The following PHLPP1 variants were observed in gnomAD, a reference collection of about 807,000 sequenced individuals.
PHLPP1 encodes the protein PH domain and leucine rich repeat protein phosphatase 1.
PHLPP1 carries 42 observed loss-of-function variants against 117.2 expected under a neutral mutation model. The observed-to-expected ratio is 0.36, with a 90% confidence interval of 0.28 to 0.46. The LOEUF (loss-of-function observed/expected upper bound fraction) is 0.46. PHLPP1 is among the 20% of genes least tolerant of loss of function. The pLI is 1.00. For missense variants in PHLPP1, 2,084 were observed against 2,241.9 expected, an observed-to-expected ratio of 0.93 and a Z score of 1.42; for synonymous variants, 1,042 against 970.7, an observed-to-expected ratio of 1.07 and a Z score of -1.37.
intron 16 of PHLPP1, among the ~76,000 whole-genome samples, chr18:62,977,335 G>T (rs1489161637): frequency 1.4e-5 from 2 of 147,864 alleles, no homozygotes; most frequent in Non-Finnish European, 3.0e-5. Context: ...GCCTTTCCTG[G>T]AAAGAAGTGT....
Position 62,978,961 on chromosome 18 carries a change from C to G in PHLPP1, c.4684C>G (p.Arg1562Gly), listed in dbSNP as rs771728051. Residue 1562 changes from arginine (R) to glycine (G), a missense_variant, in exon 17 of 17, where the codon CGG becomes GGG. Physicochemically the swap from Arg to Gly is moderately radical, Grantham distance 125 (BLOSUM62 -2). Around this residue, in one of 2 missense-constraint regions of PHLPP1, gnomAD observed 1,365 missense variants for 1,605.9 expected, o/e 0.85. Transcript: ENST00000262719. This position sits in a 1 kb window ranked among gnomAD's most constrained non-coding sequence, Gnocchi z 7.0. ...CGAGGGCGTCTTCACCAACGGCAGC[C>G]GGGTGGAGGTGGAGGTGGACATCCA... Reference protein sequence around the residue: ...PIEGVFTNGSRVEVEVDIHCS... With the variant: ...PIEGVFTNGSGVEVEVDIHCS... 6.2e-7 allele frequency: 1 copy of G among 1,610,606 alleles called. No homozygotes were observed. Among genetic ancestry groups the G allele is most frequent in the Non-Finnish European group, 8.5e-7 (1 of 1,178,548 alleles).
chr18:62,791,285 G>A (rs1443393999), intron 1 of PHLPP1, among the ~76,000 whole-genome samples: 1 of 152,086 alleles, frequency 6.6e-6, no homozygotes, highest in African/African-American at 2.4e-5. Context: ...CTGCTTGGAG[G>A]GTGGGAGCAG....
intron 4 of PHLPP1, among the ~76,000 whole-genome samples, chr18:62,885,821 A>C (rs1916274023): frequency 6.6e-6 from 1 of 152,238 alleles, no homozygotes; most frequent in Non-Finnish European, 1.5e-5. Context: ...ATTACACCTC[A>C]AAATTTAGTA....
At chr18:62,899,223 C>A (rs1377685777) in intron 6 of PHLPP1, among the ~76,000 whole-genome samples, 1 of 152,162 alleles carries the variant, frequency 6.6e-6, no homozygotes, top group African/African-American at 2.4e-5. Context: ...TCTCCTTCAC[C>A]ATAGATAATT....
rs990660942 is a variant in PHLPP1 at position 62,736,443 on chromosome 18, G to T, written c.1576+19184G>T. On this transcript the variant is annotated intron_variant, in intron 1 of 16. Transcript: ENST00000262719. ...GAGATTGATGTGGATATTATCCTGG[G>T]ACTCAGTAGCTAACTGGCTCTTTTG... Among the ~76,000 whole-genome samples, 3 of 152,162 alleles carry T rather than the reference G, an allele frequency of 2.0e-5. No homozygotes were observed. The South Asian group carries it at 6.2e-4, about 32-fold the overall frequency.
chr18:62,930,503 A>G (rs75006033), intron 10 of PHLPP1, among the ~76,000 whole-genome samples: 2 of 152,224 alleles, frequency 1.3e-5, no homozygotes, highest in African/African-American at 4.8e-5. Context: ...GTTCGATTCA[A>G]CCAGAAGATT....
At chr18:62,848,786 A>C (rs1043908886) in intron 3 of PHLPP1, among the ~76,000 whole-genome samples, 1 of 152,186 alleles carries the variant, frequency 6.6e-6, no homozygotes, top group Non-Finnish European at 1.5e-5. Context: ...TTAATATCAG[A>C]AGATAATATG....
chr18:62,861,292 T>G (rs1393845264), intron 4 of PHLPP1, among the ~76,000 whole-genome samples: 1 of 152,090 alleles, frequency 6.6e-6, no homozygotes, highest in Non-Finnish European at 1.5e-5. Context: ...TTAGTAGAGA[T>G]GGGGTTTTAC....
In PHLPP1 at chr18:62,716,264, G is replaced by C; in HGVS notation, c.581G>C (p.Trp194Ser). The C allele has an allele frequency of 6.5e-7, 1 of 1,530,996 alleles. No homozygotes were observed. The highest frequency in any genetic ancestry group is 8.7e-7 in the Non-Finnish European group (1 of 1,145,130). The allele number at this position is 1,530,996 out of a possible 1,614,324, so 94.8% of individuals were successfully genotyped here. Residue 194 changes from tryptophan (W) to serine (S), a missense_variant, in exon 1 of 17, where the codon TGG becomes TCG. Coordinates refer to ENST00000262719, the MANE Select transcript of PHLPP1 (RefSeq NM_194449.4). The surrounding 1 kb of genome is among the most constrained non-coding windows in gnomAD (Gnocchi z 5.7). ...CAGCTGCAGCCGTCGGACCGGGACT[G>C]GGTGAGGCACCAGCTCCAGCGCGGC... Reference protein sequence around the residue: ...TLQLQPSDRDWVRHQLQRGCV... With the variant: ...TLQLQPSDRDSVRHQLQRGCV...
chr18:62,810,131 A>G (rs1410404750), intron 1 of PHLPP1, among the ~76,000 whole-genome samples: 1 of 152,240 alleles, frequency 6.6e-6, no homozygotes. Flanking sequence ...TACACTGATG[A>G]TTGGACCTTA....
intron 10 of PHLPP1, among the ~76,000 whole-genome samples, chr18:62,920,369 G>C (rs1285742560): frequency 6.6e-6 from 1 of 152,134 alleles, no homozygotes; most frequent in Non-Finnish European, 1.5e-5. Context: ...TGTGTCATGG[G>C]GATGTAGGTG....
intron 1 of PHLPP1, among the ~76,000 whole-genome samples, chr18:62,823,757 C>A (rs763790868): frequency 1.3e-5 from 2 of 151,884 alleles, no homozygotes; most frequent in African/African-American, 2.4e-5. Flanking sequence ...CACAAACTTG[C>A]GAGAAGATGA....
intron 1 of PHLPP1, among the ~76,000 whole-genome samples, chr18:62,762,925 G>T (rs184631543): frequency 6.6e-6 from 1 of 152,068 alleles, no homozygotes; most frequent in Admixed American, 6.5e-5. Context: ...TTGCAATAGA[G>T]GTGTTTATGG....
At chr18:62,803,402 C>T (rs920005434) in intron 1 of PHLPP1, among the ~76,000 whole-genome samples, 1 of 152,100 alleles carries the variant, frequency 6.6e-6, no homozygotes, top group South Asian at 2.1e-4. Flanking sequence ...AAAATAACTG[C>T]TGTCCTAATT....
Position 62,941,879 on chromosome 18 carries a change from T to G in PHLPP1, c.3122T>G (p.Leu1041Arg), listed in dbSNP as rs1297674228. 1 of 1,614,042 alleles carries G rather than the reference T, an allele frequency of 6.2e-7. No individual in the cohort carries two copies. The highest frequency in any genetic ancestry group is 2.2e-5 in the East Asian group (1 of 44,890). ...ACGGGACACCCCCATTTGAAGATCC[T>G]TCACATGGCCTATAACCGACTTCAG... ...LLTGHPHLKI[L>R]HMAYNRLQSF... Residue 1041 changes from leucine (L) to arginine (R), a missense_variant, in exon 11 of 17, where the codon CTT becomes CGT. Coordinates refer to ENST00000262719, the MANE Select transcript of PHLPP1 (RefSeq NM_194449.4).
chr18:62,804,712 C>CT (rs1913887424), intron 1 of PHLPP1, among the ~76,000 whole-genome samples: 2 of 151,186 alleles, frequency 1.3e-5, no homozygotes, highest in Non-Finnish European at 2.9e-5. Flanking sequence ...CCATCCCCCT[C>CT]TTTTTTTTAA....
rs1354951254 is a variant in PHLPP1, at chr18:62,716,939, C to G, written c.1256C>G (p.Ala419Gly). 1.3e-6 allele frequency: 2 copies of G among 1,536,282 alleles called. No individual in the cohort carries two copies. Among genetic ancestry groups the G allele is most frequent in the East Asian group, 2.5e-5 (1 of 40,696 alleles). Residue 419 changes from alanine to glycine, a missense_variant, in exon 1 of 17, where the codon GCC becomes GGC. By Grantham distance (60) the Ala-to-Gly change is moderately conservative. Coordinates refer to ENST00000262719, the MANE Select transcript of PHLPP1 (RefSeq NM_194449.4). This position sits in a 1 kb window ranked among gnomAD's most constrained non-coding sequence, Gnocchi z 5.7. ...TASSPQPQQKAPRAIDSPGGA... is the reference protein window; with the variant it reads ...TASSPQPQQKGPRAIDSPGGA... ...TCCTCGCCTCAGCCGCAGCAGAAAG[C>G]CCCGAGGGCCATTGACAGCCCGGGC...
At chr18:62,800,767 G>A (rs1051319955) in intron 1 of PHLPP1, among the ~76,000 whole-genome samples, 12 of 152,018 alleles carry the variant, frequency 7.9e-5, no homozygotes, top group Admixed American at 2.6e-4. Context: ...GTGCCTTGAA[G>A]CTATTCGATG....
chr18:62,956,436 T>G (rs988106822), intron 12 of PHLPP1, among the ~76,000 whole-genome samples: 1 of 152,106 alleles, frequency 6.6e-6, no homozygotes, highest in African/African-American at 2.4e-5. Flanking sequence ...TACTATCACG[T>G]TGGGGATTAA....
Sources: gnomAD v4.1 joint callset for allele counts (sites outside exome capture counted in the v4.1 genomes callset) on GRCh38, gnomAD v4.1.1 for gene constraint, gnomAD v4.1.1 regional missense constraint, Gnocchi (gnomAD v3.1) non-coding constraint, MANE v1.5 for transcripts, NCBI Gene and HGNC (gene_info 2026-07-23, HGNC 2026-07-21) for gene names.